Variants in PRKCI observed in about 807,000 individuals in gnomAD.
The protein encoded by PRKCI is protein kinase C iota type.
A neutral mutation model predicts 84.0 loss-of-function variants in PRKCI; 43 were observed. The ratio of observed to expected loss-of-function variants is 0.51; its 90% CI spans 0.40 to 0.66. The LOEUF (loss-of-function observed/expected upper bound fraction) is 0.66. PRKCI is among the 30% of genes least tolerant of loss of function. The pLI, the probability that PRKCI is intolerant of heterozygous loss-of-function variation, is 0.00. For missense variants in PRKCI, 459 were observed against 745.6 expected (o/e 0.62, Z 4.48); for synonymous variants, 216 against 234.4 (o/e 0.92, Z 0.72).
At chr3:170,247,800 G>A (rs1226804393) in intron 2 of PRKCI, among the ~76,000 whole-genome samples, 1 of 142,214 alleles carries the variant, frequency 7.0e-6, no homozygotes, top group Non-Finnish European at 1.5e-5. Flanking sequence ...ATGTATTTCT[G>A]TAACCACTGA....
chr3:170,304,897 C>CT lies in PRKCI; in HGVS notation c.*1777dup, dbSNP rs1386002011. ...AATTTGTAGGCATTTAATAAATTAT[C>CT]TTTTTTTGGAGGGGTGGATGCTGCA... On this transcript the variant is annotated 3_prime_UTR_variant, in exon 18 of 18. Transcript: ENST00000295797. The CT allele has an allele frequency of 1.3e-5, 2 of 151,836 alleles. No homozygotes were observed. The highest frequency in any genetic ancestry group is 2.9e-5 in the Non-Finnish European group (2 of 67,954). The allele number at this position is 151,836 out of a possible 1,614,324, so 9.4% of individuals were successfully genotyped here. A position where few individuals can be genotyped will look rare whatever the true frequency, so the allele number is the denominator to read the frequency against.
At chr3:170,257,464 G>A (rs1733611949) in intron 2 of PRKCI, among the ~76,000 whole-genome samples, 1 of 151,826 alleles carries the variant, frequency 6.6e-6, no homozygotes, top group African/African-American at 2.4e-5. Flanking sequence ...ATCACTATGT[G>A]AAAAAAAGTT....
At chr3:170,244,593 T>C (rs1733222193) in intron 2 of PRKCI, among the ~76,000 whole-genome samples, 1 of 152,092 alleles carries the variant, frequency 6.6e-6, no homozygotes, top group South Asian at 2.1e-4. Flanking sequence ...GGGTTGTGGG[T>C]GTAGGGGCCA....
intron 5 of PRKCI, 50 bp downstream of exon 5, chr3:170,268,050 C>T (rs1476449676): frequency 7.0e-7 from 1 of 1,432,286 alleles, no homozygotes; most frequent in Non-Finnish European, 9.7e-7. Context: ...TATTTTTTCC[C>T]TTTCTACTAT....
chr3:170,290,304 AT>A (rs200065305), intron 12 of PRKCI, among the ~76,000 whole-genome samples: 2,372 of 149,276 alleles, frequency 0.016, 41 homozygotes, highest in East Asian at 0.086. Context: ...TTTATTGTTG[AT>A]TTTTTTTTTA....
chr3:170,282,280 GT>G (rs1477572231), intron 11 of PRKCI, among the ~76,000 whole-genome samples: 1 of 152,132 alleles, frequency 6.6e-6, no homozygotes, highest in East Asian at 1.9e-4. Flanking sequence ...TTATGTCTAT[GT>G]AGCATCAGCC....
chr3:170,293,050 A>G (rs921187774), intron 13 of PRKCI, among the ~76,000 whole-genome samples: 2 of 152,004 alleles, frequency 1.3e-5, no homozygotes, highest in Non-Finnish European at 1.5e-5. Flanking sequence ...CAAAAAAAAA[A>G]AAAAAAAGAC....
At chr3:170,261,750 C>T (rs1328021475) in intron 3 of PRKCI, among the ~76,000 whole-genome samples, 2 of 152,312 alleles carry the variant, frequency 1.3e-5, no homozygotes, top group African/African-American at 2.4e-5. Flanking sequence ...TCCCAAAGTT[C>T]TGGGATTACA....
chr3:170,249,164 A>G (rs939373836), intron 2 of PRKCI, among the ~76,000 whole-genome samples: 2 of 151,932 alleles, frequency 1.3e-5, no homozygotes, highest in Non-Finnish European at 2.9e-5. Context: ...GGCTTTTTTC[A>G]TTATAGACTA....
Position 170,291,937 on chromosome 3 carries a change from T to C in PRKCI, c.1287T>C (p.Asp429=), listed in dbSNP as rs1734562938. 8.8e-6 allele frequency: 14 copies of C among 1,581,938 alleles called. No homozygotes were observed. The highest frequency in any genetic ancestry group is 1.2e-5 in the Non-Finnish European group (14 of 1,150,824). The change falls in exon 13 of 18, where the codon GAT becomes GAC. Residue 429 remains aspartate (D), a synonymous_variant. Coordinates refer to ENST00000295797, the MANE Select transcript of PRKCI (RefSeq NM_002740.6). The part of the protein sequence containing the change: ...YIAPEILRGE[D]YGFSVDWWAL... ...CTCCTGAAATTTTAAGAGGAGAAGA[T>C]TATGGTAATAAATAAATTGGTGGTA...
rs187242744 is a variant in PRKCI at position 170,299,137 on chromosome 3, T to G, written c.1703+27T>G. The G allele has an allele frequency of 1.6e-3, 2,245 of 1,417,344 alleles. 11 individuals carry two copies. Among genetic ancestry groups the G allele is most frequent in the Middle Eastern group, 0.014 (79 of 5,466 alleles). The allele number at this position is 1,417,344 out of a possible 1,614,324, so 87.8% of individuals were successfully genotyped here. On this transcript the variant is annotated intron_variant, in intron 17 of 17. Transcript: ENST00000295797. ...TAAGTAATTCTGTACACTGAAATTT[T>G]TTTTTAAGTTCTTTGGAAATCCCAT...
At chr3:170,245,998 A>C (rs1406198532) in intron 2 of PRKCI, among the ~76,000 whole-genome samples, 2 of 127,608 alleles carry the variant, frequency 1.6e-5, no homozygotes, top group Non-Finnish European at 3.1e-5. Flanking sequence ...TTTGTCACCC[A>C]GGCTGGAATG....
chr3:170,293,347 G>A (rs1405772819), intron 13 of PRKCI, 36 bp from the exon 14 acceptor site: 2 of 1,575,942 alleles, frequency 1.3e-6, no homozygotes, highest in South Asian at 1.2e-5. Context: ...AGAATGCAAA[G>A]TGTATAATTT....
chr3:170,283,099 C>T (rs1335922287), intron 11 of PRKCI, among the ~76,000 whole-genome samples: 6 of 146,482 alleles, frequency 4.1e-5, no homozygotes, highest in South Asian at 2.1e-4. Context: ...AGCGAGACTC[C>T]GTCTCAAAAA....
chr3:170,283,291 C>A (rs1217035998), intron 11 of PRKCI, among the ~76,000 whole-genome samples: 1 of 152,062 alleles, frequency 6.6e-6, no homozygotes, highest in Non-Finnish European at 1.5e-5. Context: ...TAATTCTCAC[C>A]CTTTCCTACT....
rs981003877 is a variant in PRKCI at position 170,229,225 on chromosome 3, C to A, written c.102-6005C>A. On this transcript the variant is annotated intron_variant, in intron 1 of 17. Coordinates refer to ENST00000295797, the MANE Select transcript of PRKCI (RefSeq NM_002740.6). ...AAATGAGTTCATATTTCCACACATG[C>A]ATCTGCAACTTGATTTTAAAAATCG... Among the ~76,000 whole-genome samples the A allele has an allele frequency of 5.9e-5, 9 of 152,336 alleles. No homozygotes were observed. In the East Asian group the frequency reaches 1.2e-3, roughly 20 times the overall value.
intron 12 of PRKCI, among the ~76,000 whole-genome samples, chr3:170,287,695 A>G (rs1376786449): frequency 6.6e-6 from 1 of 151,400 alleles, no homozygotes; most frequent in Non-Finnish European, 1.5e-5. Context: ...AGATCACTTG[A>G]GGTCAGGAGT....
At chr3:170,277,443 A>G (rs893522095) in intron 8 of PRKCI, among the ~76,000 whole-genome samples, 1 of 152,170 alleles carries the variant, frequency 6.6e-6, no homozygotes, top group South Asian at 2.1e-4. Flanking sequence ...GTGATGGCTC[A>G]CACATGTAAT....
chr3:170,282,903 G>A (rs1734287215), intron 11 of PRKCI, among the ~76,000 whole-genome samples: 2 of 151,646 alleles, frequency 1.3e-5, no homozygotes, highest in Non-Finnish European at 2.9e-5. Flanking sequence ...TCAAGAAATC[G>A]AGACCATCCT....
Sources: gnomAD v4.1 joint callset for allele counts (sites outside exome capture counted in the v4.1 genomes callset) on GRCh38, gnomAD v4.1.1 for gene constraint, MANE v1.5 for transcripts, NCBI Gene and HGNC (gene_info 2026-07-23, HGNC 2026-07-21) for gene names.